ABHD16A: variants seen among roughly 807,000 people sequenced by gnomAD.
The protein encoded by ABHD16A is abhydrolase domain containing 16A, phospholipase.
Under a neutral mutation model 89.8 loss-of-function variants are expected in ABHD16A, and 47 were observed. The ratio of observed to expected loss-of-function variants is 0.52; its 90% CI spans 0.41 to 0.67. The LOEUF is 0.67. Among genes scored for constraint, ABHD16A ranks in the 30% least tolerant of loss-of-function variants. The pLI is 0.00. For missense variants in ABHD16A, 580 were observed against 734.6 expected, an observed-to-expected ratio of 0.79 and a Z score of 2.43; for synonymous variants, 251 against 280.4, an observed-to-expected ratio of 0.90 and a Z score of 1.05.
chr6:31,690,386 T>C lies in ABHD16A; in HGVS notation c.907+153A>G. 1 of 849,446 alleles carries C rather than the reference T, an allele frequency of 1.2e-6. No homozygotes were observed. Among genetic ancestry groups the C allele is most frequent in the Non-Finnish European group, 1.9e-6 (1 of 519,820 alleles). 52.6% of individuals were successfully genotyped at this position (849,446 alleles called of 1,614,324 possible). ...AGGCCAGGGGAGGGATGTAAGGTTATCAAAGCAAATGGCGAGTGGACTTTT... is the reference window on the plus strand; with the variant it reads ...AGGCCAGGGGAGGGATGTAAGGTTACCAAAGCAAATGGCGAGTGGACTTTT... On this transcript the variant is annotated intron_variant, in intron 10 of 19. Transcript: ENST00000395952. This position sits in a 1 kb window ranked among gnomAD's most constrained non-coding sequence, Gnocchi z 4.1.
Position 31,689,753 on chromosome 6 carries a change from CT to C in ABHD16A, c.958-50del, listed in dbSNP as rs1342393564. 3.2e-6 allele frequency: 5 copies of C among 1,570,966 alleles called. No individual in the cohort carries two copies. In the South Asian group the frequency reaches 5.9e-5, roughly 19 times the overall value. On this transcript the variant is annotated intron_variant, in intron 11 of 19. Transcript: ENST00000395952. ...GGAGTGTGTCAGCACCAAAGGCCAGCTCACCTGTCCCTCCCAACGTGGACCC... is the reference window on the plus strand; with the variant it reads ...GGAGTGTGTCAGCACCAAAGGCCAGCCACCTGTCCCTCCCAACGTGGACCC...
At position 31,691,605 on chromosome 6, in the gene ABHD16A, TC is replaced by T; in HGVS notation, c.816del (p.Thr273GlnfsTer10). On this transcript the variant is annotated frameshift_variant, in exon 9 of 20. Coordinates refer to ENST00000395952, the MANE Select transcript of ABHD16A (RefSeq NM_021160.3). LOFTEE classifies it high-confidence loss of function. ...AGCTTCTGTCCCTGGGGCTCAGCTGTCCCCCGCCGGTCCACAAACATGGTGT... is the reference window on the plus strand; with the variant it reads ...AGCTTCTGTCCCTGGGGCTCAGCTGTCCCCGCCGGTCCACAAACATGGTGT... The part of the protein sequence containing the change: ...EIDTMFVDRR[G>X]TAEPQGQKLV... The T allele has an allele frequency of 6.2e-7, 1 of 1,612,448 alleles. No individual in the cohort carries two copies.
chr6:31,699,006 T>C (rs901070209), intron 4 of ABHD16A, among the ~76,000 whole-genome samples: 5 of 152,210 alleles, frequency 3.3e-5, no homozygotes, highest in African/African-American at 1.2e-4. Flanking sequence ...CAAACATTCA[T>C]GTGACTATCA....
At position 31,691,633 on chromosome 6, in the gene ABHD16A, A is replaced by C. The variant is rs766810070; in HGVS notation, c.789T>G (p.Ile263Met). The change falls in exon 9 of 20, where the codon ATT becomes ATG. Residue 263 changes from isoleucine (I) to methionine (M), a missense_variant. Physicochemically the swap from Ile to Met is conservative, Grantham distance 10. Coordinates refer to ENST00000395952, the MANE Select transcript of ABHD16A (RefSeq NM_021160.3). ...CCCGCCGGTCCACAAACATGGTGTC[A>C]ATCTCATTGCCATCACAGGCCAGCA... Reference protein sequence around the residue: ...AKLLACDGNEIDTMFVDRRGT... With the variant: ...AKLLACDGNEMDTMFVDRRGT... 7 of 1,612,790 alleles carry C rather than the reference A, an allele frequency of 4.3e-6. No individual in the cohort carries two copies. The South Asian group carries it at 5.5e-5, about 13-fold the overall frequency.
At position 31,687,981 on chromosome 6, in the gene ABHD16A, G is replaced by A; in HGVS notation, c.1370+60C>T. The A allele has an allele frequency of 1.9e-6, 3 of 1,611,962 alleles. No individual in the cohort carries two copies. Among genetic ancestry groups the A allele is most frequent in the Non-Finnish European group, 2.5e-6 (3 of 1,179,296 alleles). On this transcript the variant is annotated intron_variant, in intron 16 of 19. Coordinates refer to ENST00000395952, the MANE Select transcript of ABHD16A (RefSeq NM_021160.3). This position sits in a 1 kb window ranked among gnomAD's most constrained non-coding sequence, Gnocchi z 6.3. ...TGAACCTTCCTCCCTCCTTCCCTGT[G>A]CTGGTATCAGTATCTGTGTGTGTAC... is the stretch of plus-strand genomic sequence containing the variant.
chr6:31,702,780 G>T, intron 1 of ABHD16A: 1 of 1,467,524 alleles, frequency 6.8e-7, no homozygotes, highest in Non-Finnish European at 9.0e-7. Context: ...AAGAGGCACT[G>T]AAGAAGAGGA....
chr6:31,688,472 T>C lies in ABHD16A; in HGVS notation c.1251-167A>G. ...AGAGGGGATTATTTAAGGGGCATGG[T>C]TCAGTCTGGCCCTGCTGGGAGACCC... On this transcript the variant is annotated intron_variant, in intron 14 of 19. Coordinates refer to ENST00000395952, the MANE Select transcript of ABHD16A (RefSeq NM_021160.3). This position sits in a 1 kb window ranked among gnomAD's most constrained non-coding sequence, Gnocchi z 4.9. The C allele has an allele frequency of 1.2e-6, 1 of 822,370 alleles. No homozygotes were observed. The highest frequency in any genetic ancestry group is 2.6e-5 in the East Asian group (1 of 38,198). 50.9% of individuals were successfully genotyped at this position (822,370 alleles called of 1,614,324 possible). A position where few individuals can be genotyped will look rare whatever the true frequency, so the allele number is the denominator to read the frequency against.
chr6:31,703,074 G>C, intron 1 of ABHD16A, 76 bp downstream of exon 1: 1 of 1,370,720 alleles, frequency 7.3e-7, no homozygotes, highest in Non-Finnish European at 9.5e-7. Flanking sequence ...TCCCATTATG[G>C]GCACTTCTGG....
chr6:31,687,323 G>T lies in ABHD16A; in HGVS notation c.1594-28C>A, dbSNP rs748930976. The stretch of plus-strand genomic sequence containing the variant: ...GAGGAAAGGAGGTGGGACAGGTGGG[G>T]TACAGAGCACTGTTGGGAGGGGCAG... On this transcript the variant is annotated intron_variant, in intron 19 of 19. Transcript: ENST00000395952. This position sits in a 1 kb window ranked among gnomAD's most constrained non-coding sequence, Gnocchi z 6.3. 124 of 1,610,686 alleles carry T rather than the reference G, an allele frequency of 7.7e-5. No homozygotes were observed. The highest frequency in any genetic ancestry group is 1.0e-4 in the Non-Finnish European group (118 of 1,178,288).
chr6:31,693,402 G>T lies in ABHD16A; in HGVS notation c.460C>A (p.Arg154=). 1 of 1,613,020 alleles carries T rather than the reference G, an allele frequency of 6.2e-7. No individual in the cohort carries two copies. ...CAGTGGAAGTCGACTGGCCAGCTCC[G>T]GAAGTCAAAGTTGTAGTTGGCAAGC... ...RQLANYNFDF[R]SWPVDFHWEE... The change falls in exon 6 of 20, where the codon CGG becomes AGG. Residue 154 remains arginine (R), a synonymous_variant. Transcript: ENST00000395952. This position sits in a 1 kb window ranked among gnomAD's most constrained non-coding sequence, Gnocchi z 5.0.
intron 1 of ABHD16A, chr6:31,702,500 A>G: frequency 9.6e-7 from 1 of 1,045,152 alleles, no homozygotes; most frequent in Non-Finnish European, 1.3e-6. Flanking sequence ...AAGCATCAGA[A>G]ATAAGAGTAG....
intron 4 of ABHD16A, among the ~76,000 whole-genome samples, chr6:31,699,603 C>T (rs1244760067): frequency 3.3e-5 from 5 of 151,990 alleles, no homozygotes; most frequent in South Asian, 2.1e-4. Context: ...GACAGAGTCT[C>T]GCTCTGTCAC....
rs1189827659 is a variant in ABHD16A, at chr6:31,690,557, C to T, written c.889G>A (p.Val297Ile). The part of the protein sequence containing the change: ...GNAGFYEVGC[V>I]STPLEAGYSV... ...GTCCTACCTTCCAGGGGCGTGGAGA[C>T]GCAGCCCACCTCATAAAACCCAGCA... The change falls in exon 10 of 20, where the codon GTC becomes ATC. Residue 297 changes from valine to isoleucine, a missense_variant. Around this residue, in one of 2 missense-constraint regions of ABHD16A, gnomAD observed 415 missense variants for 568.8 expected, o/e 0.73. Coordinates refer to ENST00000395952, the MANE Select transcript of ABHD16A (RefSeq NM_021160.3). This position sits in a 1 kb window ranked among gnomAD's most constrained non-coding sequence, Gnocchi z 4.1. 8.7e-6 allele frequency: 14 copies of T among 1,612,848 alleles called. No individual in the cohort carries two copies. The highest frequency in any genetic ancestry group is 2.2e-5 in the South Asian group (2 of 91,086).
chr6:31,701,501 T>C (rs1481952283), intron 2 of ABHD16A, among the ~76,000 whole-genome samples, 161 bp from the exon 3 acceptor site: 2 of 152,176 alleles, frequency 1.3e-5, no homozygotes, highest in Non-Finnish European at 2.9e-5. Flanking sequence ...CAGTATTTGT[T>C]GAAAAGTAGT....
rs1243049847 is a variant in ABHD16A at position 31,693,317 on chromosome 6, G to C, written c.503+42C>G. On this transcript the variant is annotated intron_variant, in intron 6 of 19. Transcript: ENST00000395952. The surrounding 1 kb of genome is among the most constrained non-coding windows in gnomAD (Gnocchi z 5.0). Reference sequence around the variant, plus strand: ...GGGCAGAGCAGAGATTTTCTGGAATGGTTCTAAGGGGAGAGATACAGCAAA... The same window carrying C: ...GGGCAGAGCAGAGATTTTCTGGAATCGTTCTAAGGGGAGAGATACAGCAAA... 1 of 1,608,206 alleles carries C rather than the reference G, an allele frequency of 6.2e-7. No homozygotes were observed. Among genetic ancestry groups the C allele is most frequent in the Non-Finnish European group, 8.5e-7 (1 of 1,175,782 alleles).
Position 31,689,034 on chromosome 6 carries a change from C to T in ABHD16A, c.1167G>A (p.Lys389=), listed in dbSNP as rs368223395. The part of the protein sequence containing the change: ...SFDDLVPLAL[K]VMPDSWRGLV... ...ACTCACTCCAGCTGTCTGGCATGAC[C>T]TTCAAGGCCAAGGGCACCAGGTCAT... The change falls in exon 13 of 20, where the codon AAG becomes AAA. Residue 389 remains lysine (K), a synonymous_variant. Transcript: ENST00000395952. The T allele has an allele frequency of 4.7e-5, 76 of 1,613,914 alleles. No homozygotes were observed. Among genetic ancestry groups the T allele is most frequent in the East Asian group, 1.8e-4 (8 of 44,870 alleles).
At position 31,687,062 on chromosome 6, in the gene ABHD16A, C is replaced by T. The variant is rs1271028516; in HGVS notation, c.*150G>A. On this transcript the variant is annotated 3_prime_UTR_variant, in exon 20 of 20. Transcript: ENST00000395952. This position sits in a 1 kb window ranked among gnomAD's most constrained non-coding sequence, Gnocchi z 6.3. ...GTACAGCCACATGAATGAGGGGAAA[C>T]GTGCAAGAGGAACAGTGGTGAGAAG... 7.1e-6 allele frequency: 5 copies of T among 700,030 alleles called. No homozygotes were observed. Among genetic ancestry groups the T allele is most frequent in the South Asian group, 3.8e-5 (2 of 52,662 alleles). 43.4% of individuals were successfully genotyped at this position (700,030 alleles called of 1,614,324 possible).
chr6:31,689,172 C>A, intron 12 of ABHD16A, 53 bp from the exon 13 acceptor site: 1 of 1,482,570 alleles, frequency 6.7e-7, no homozygotes, highest in Non-Finnish European at 9.3e-7. Context: ...TCCTTTCTCC[C>A]CACCACCCAT....
At chr6:31,702,740 G>A (rs771821200) in intron 1 of ABHD16A, 3 of 1,538,146 alleles carry the variant, frequency 2.0e-6, no homozygotes, top group Admixed American at 2.1e-5. Flanking sequence ...AGGGTAAAGG[G>A]AAGATAAAAA....
Sources: gnomAD v4.1 joint callset for allele counts (sites outside exome capture counted in the v4.1 genomes callset) on GRCh38, gnomAD v4.1.1 for gene constraint, gnomAD v4.1.1 regional missense constraint, Gnocchi (gnomAD v3.1) non-coding constraint, MANE v1.5 for transcripts, NCBI Gene and HGNC (gene_info 2026-07-23, HGNC 2026-07-21) for gene names.